Variants in BFSP2 observed in about 807,000 individuals in gnomAD.
BFSP2 encodes phakinin.
A neutral mutation model predicts 44.9 loss-of-function variants in BFSP2; 38 were observed. The observed-to-expected ratio is 0.85, with a 90% confidence interval of 0.65 to 1.11. BFSP2 has a LOEUF of 1.11. Ranked by LOEUF, BFSP2 falls within the 50% of genes least tolerant of loss-of-function variation. BFSP2 has a pLI of 0.00. For missense variants in BFSP2, 525 were observed against 533.0 expected, an observed-to-expected ratio of 0.99 and a Z score of 0.15; for synonymous variants, 197 against 209.9, an observed-to-expected ratio of 0.94 and a Z score of 0.53.
intron 1 of BFSP2, among the ~76,000 whole-genome samples, chr3:133,438,619 G>A (rs995561695): frequency 2.0e-5 from 3 of 152,148 alleles, no homozygotes; most frequent in Non-Finnish European, 4.4e-5. Flanking sequence ...TCAGGGAAAT[G>A]TTGGTCTCTA....
rs533473603 is a variant in BFSP2 at position 133,429,912 on chromosome 3, C to G, written c.490-17405C>G. 7.9e-5 allele frequency among the ~76,000 whole-genome samples: 12 copies of G among 151,018 alleles called. 1 individual carries two copies. The highest frequency in any genetic ancestry group is 7.9e-4 in the Admixed American group (12 of 15,200). ...TAATGCTATCCCTCCCCACTACCCC[C>G]ACCCCACAACAGTCCCCGGTGCGTG... On this transcript the variant is annotated intron_variant, in intron 1 of 6. Coordinates refer to ENST00000302334, the MANE Select transcript of BFSP2 (RefSeq NM_003571.4).
intron 5 of BFSP2, 110 bp downstream of exon 5, chr3:133,467,069 A>G (rs910600603): frequency 2.0e-6 from 3 of 1,471,668 alleles, no homozygotes; most frequent in Non-Finnish European, 2.8e-6. Flanking sequence ...CTCACAGCAT[A>G]TGAGTTTTGA....
chr3:133,436,903 G>A (rs894429443), intron 1 of BFSP2, among the ~76,000 whole-genome samples: 3 of 150,844 alleles, frequency 2.0e-5, no homozygotes, highest in Non-Finnish European at 3.0e-5. Context: ...ATGGTTTCCA[G>A]TTTCATCCAT....
intron 1 of BFSP2, among the ~76,000 whole-genome samples, chr3:133,427,006 A>G (rs1271785063): frequency 2.0e-5 from 3 of 152,118 alleles, no homozygotes; most frequent in East Asian, 1.9e-4. Flanking sequence ...TGATGAGAGG[A>G]TTATGCATGC....
intron 1 of BFSP2, among the ~76,000 whole-genome samples, chr3:133,424,666 C>G (rs1191189394): frequency 6.6e-6 from 1 of 152,130 alleles, no homozygotes; most frequent in African/African-American, 2.4e-5. Context: ...GACAGAGTCT[C>G]ACTCTGTCAC....
chr3:133,455,537 TC>T (rs2107931223), intron 4 of BFSP2: 1 of 152,334 alleles, frequency 6.6e-6, no homozygotes, highest in East Asian at 1.9e-4. Flanking sequence ...CAGATACTCC[TC>T]TTTTGATCAG....
intron 1 of BFSP2, among the ~76,000 whole-genome samples, chr3:133,437,488 A>C (rs970747160): frequency 5.3e-5 from 8 of 151,904 alleles, no homozygotes; most frequent in African/African-American, 1.9e-4. Context: ...ACGCCATTGC[A>C]CTCCAGCCTG....
At chr3:133,410,577 G>A (rs1350912593) in intron 1 of BFSP2, 15 of 280,664 alleles carry the variant, frequency 5.3e-5, no homozygotes, top group African/African-American at 6.8e-5. Context: ...TCCCTCTCAC[G>A]TATCTTTTCC....
At chr3:133,464,225 G>T (rs770536326) in intron 4 of BFSP2, among the ~76,000 whole-genome samples, 1 of 152,228 alleles carries the variant, frequency 6.6e-6, no homozygotes, top group Non-Finnish European at 1.5e-5. Context: ...GTTTGGGGAA[G>T]ATACCTCCAA....
chr3:133,470,778 G>T (rs2074154899), intron 5 of BFSP2, among the ~76,000 whole-genome samples: 1 of 152,198 alleles, frequency 6.6e-6, no homozygotes, highest in East Asian at 1.9e-4. Flanking sequence ...TGGTGGAAAA[G>T]ACGTGCCCAT....
intron 4 of BFSP2, 134 bp from the exon 5 acceptor site, chr3:133,466,694 A>T: frequency 1.4e-6 from 1 of 710,972 alleles, no homozygotes. Flanking sequence ...AAAAAAAAAA[A>T]AAAGATGTTT....
chr3:133,461,392 T>G (rs1402244828), intron 4 of BFSP2, among the ~76,000 whole-genome samples: 2 of 152,212 alleles, frequency 1.3e-5, no homozygotes, highest in Non-Finnish European at 2.9e-5. Context: ...ATTGCACTCC[T>G]ACCCTGCTGG....
rs1257661191 is a variant in BFSP2 at position 133,472,640 on chromosome 3, T to C, written c.1244+75T>C. ...TTAAAAATAATTATTTTCCAAACACTGTAGAAGTATTTAAGAAGAAATCAC... is the reference window on the plus strand; with the variant it reads ...TTAAAAATAATTATTTTCCAAACACCGTAGAAGTATTTAAGAAGAAATCAC... On this transcript the variant is annotated intron_variant, in intron 6 of 6. Coordinates refer to ENST00000302334, the MANE Select transcript of BFSP2 (RefSeq NM_003571.4). 13 of 1,522,016 alleles carry C rather than the reference T, an allele frequency of 8.5e-6. No individual in the cohort carries two copies. The East Asian group carries it at 3.2e-4, about 37-fold the overall frequency. The allele number at this position is 1,522,016 out of a possible 1,614,324, so 94.3% of individuals were successfully genotyped here.
chr3:133,412,206 A>G (rs773425189), intron 1 of BFSP2: 4 of 152,224 alleles, frequency 2.6e-5, no homozygotes, highest in Non-Finnish European at 4.4e-5. Flanking sequence ...CTTATAATCA[A>G]GGAAGCTGGG....
chr3:133,424,228 T>TGGG (rs1307277640), intron 1 of BFSP2, among the ~76,000 whole-genome samples: 1 of 129,322 alleles, frequency 7.7e-6, no homozygotes. Context: ...TTTTTTTTTT[T>TGGG]TTTTTTTTTT....
intron 1 of BFSP2, among the ~76,000 whole-genome samples, chr3:133,430,887 C>A (rs1279153027): frequency 3.3e-5 from 5 of 152,128 alleles, no homozygotes; most frequent in Admixed American, 3.3e-4. Context: ...TATCACCTCC[C>A]CTCCTCACAC....
At chr3:133,437,263 AC>A (rs2073796451) in intron 1 of BFSP2, among the ~76,000 whole-genome samples, 1 of 152,124 alleles carries the variant, frequency 6.6e-6, no homozygotes, top group South Asian at 2.1e-4. Context: ...AGTGGTTCAC[AC>A]CTGTAATCCC....
At chr3:133,417,214 C>T (rs1233617021) in intron 1 of BFSP2, among the ~76,000 whole-genome samples, 3 of 140,220 alleles carry the variant, frequency 2.1e-5, no homozygotes, top group Non-Finnish European at 4.6e-5. Context: ...CCCGCCTCTC[C>T]CCTCTACTTA....
rs145856389 is a variant in BFSP2, at chr3:133,434,388, G to T, written c.490-12929G>T. Among the ~76,000 whole-genome samples the T allele has an allele frequency of 3.8e-3, 577 of 152,124 alleles. 3 individuals are homozygous for T. Among genetic ancestry groups the T allele is most frequent in the South Asian group, 0.011 (54 of 4,808 alleles). On this transcript the variant is annotated intron_variant, in intron 1 of 6. Coordinates refer to ENST00000302334, the MANE Select transcript of BFSP2 (RefSeq NM_003571.4). ...CTTCAGCTTAATCTCTCCCACTCTA[G>T]GTTCCCACGCAGCCCCTAATCCCGC...
Sources: gnomAD v4.1 joint callset for allele counts (sites outside exome capture counted in the v4.1 genomes callset) on GRCh38, gnomAD v4.1.1 for gene constraint, MANE v1.5 for transcripts, NCBI Gene and HGNC (gene_info 2026-07-23, HGNC 2026-07-21) for gene names.